Variants in XKR9 observed in about 807,000 individuals in gnomAD.
The protein encoded by XKR9 is XK-related protein 9.
In XKR9, 32 loss-of-function variants were observed where a neutral mutation model predicts 32.0. The ratio of observed to expected loss-of-function variants is 1.00; its 90% CI spans 0.76 to 1.34. XKR9 has a LOEUF of 1.34. XKR9 is among the 40% of genes most tolerant of loss of function. The pLI is 0.00. For missense variants in XKR9, 546 were observed against 429.7 expected, an observed-to-expected ratio of 1.27 and a Z score of -2.39; for synonymous variants, 168 against 143.4, an observed-to-expected ratio of 1.17 and a Z score of -1.22.
chr8:70,915,471 A>T, the XKR9 span, among the ~76,000 whole-genome samples: 1 of 152,142 alleles, frequency 6.6e-6, no homozygotes, highest in Non-Finnish European at 1.5e-5. Context: ...TGGAGATTAA[A>T]AGCAATATGG....
At chr8:70,800,743 C>A in the XKR9 span, among the ~76,000 whole-genome samples, 1 of 152,156 alleles carries the variant, frequency 6.6e-6, no homozygotes, top group Non-Finnish European at 1.5e-5. Flanking sequence ...GCCTCAGCCT[C>A]CCGAAGTGCT....
chr8:70,966,723 A>G, the XKR9 span, among the ~76,000 whole-genome samples: 1 of 152,198 alleles, frequency 6.6e-6, no homozygotes, highest in Non-Finnish European at 1.5e-5. Context: ...GTGGGGTGTT[A>G]AAGTCTCCCA....
At chr8:70,720,346 G>A (rs958884166) in intron 4 of XKR9, among the ~76,000 whole-genome samples, 46 of 152,224 alleles carry the variant, frequency 3.0e-4, no homozygotes, top group African/African-American at 1.1e-3. Flanking sequence ...TTGAATAGGA[G>A]TGGTGAGAGA....
the XKR9 span, among the ~76,000 whole-genome samples, chr8:71,026,848 G>C: frequency 6.6e-6 from 1 of 151,960 alleles, no homozygotes; most frequent in Non-Finnish European, 1.5e-5. Flanking sequence ...TACTAACAAG[G>C]GTAAAATACA....
the XKR9 span, among the ~76,000 whole-genome samples, chr8:70,919,481 G>C: frequency 7.0e-4 from 106 of 152,278 alleles, no homozygotes; most frequent in Admixed American, 2.0e-3. Context: ...AGGAAGAATA[G>C]ATAATAATGA....
the XKR9 span, among the ~76,000 whole-genome samples, chr8:70,982,322 G>A: frequency 6.6e-6 from 1 of 152,166 alleles, no homozygotes; most frequent in African/African-American, 2.4e-5. Flanking sequence ...CAGGGATAGG[G>A]GTGTGTGAGC....
At chr8:70,915,619 TCTATCTAGAA>T in the XKR9 span, among the ~76,000 whole-genome samples, 1 of 152,188 alleles carries the variant, frequency 6.6e-6, no homozygotes, top group Non-Finnish European at 1.5e-5. Context: ...TAATCTACAC[TCTATCTAGAA>T]CTGATTTTGT....
the XKR9 span, among the ~76,000 whole-genome samples, chr8:70,966,220 T>G: frequency 1.3e-5 from 2 of 152,006 alleles, no homozygotes; most frequent in Non-Finnish European, 2.9e-5. Context: ...TGCAGTTGAA[T>G]GGTTTTGAGT....
chr8:70,721,929 T>C (rs553584161), intron 4 of XKR9, among the ~76,000 whole-genome samples: 6 of 152,226 alleles, frequency 3.9e-5, no homozygotes, highest in African/African-American at 1.4e-4. Flanking sequence ...TGTGTGGGAG[T>C]CTAAGTCTCT....
chr8:70,793,015 A>G (rs1807783882), downstream of XKR9, among the ~76,000 whole-genome samples: 1 of 152,176 alleles, frequency 6.6e-6, no homozygotes, highest in Non-Finnish European at 1.5e-5. Flanking sequence ...TAAGACAATT[A>G]CAAAGGCTTA....
chr8:70,770,860 G>A (rs1376729152), intron 2 of XKR9, among the ~76,000 whole-genome samples: 1 of 152,172 alleles, frequency 6.6e-6, no homozygotes, highest in Non-Finnish European at 1.5e-5. Context: ...TGTGTGGGTG[G>A]GACCTGTTTA....
intron 2 of XKR9, among the ~76,000 whole-genome samples, chr8:70,742,967 T>C (rs1369713194): frequency 6.6e-6 from 1 of 152,138 alleles, no homozygotes; most frequent in African/African-American, 2.4e-5. Flanking sequence ...TGTCTTCTAT[T>C]ATATTTAGGA....
the XKR9 span, among the ~76,000 whole-genome samples, chr8:70,815,102 T>C: frequency 6.6e-6 from 1 of 152,204 alleles, no homozygotes; most frequent in Non-Finnish European, 1.5e-5. Flanking sequence ...CACAAACAAA[T>C]GGAAAAACAT....
chr8:70,681,118 T>C lies in XKR9; in HGVS notation c.60T>C (p.Thr20=), dbSNP rs1819064957. ...TTCTTGGCATTATAATCTACGTAAC[T>C]GATTTAATTGTGGACATATGGGTAT... ...MSVLGIIIYV[T]DLIVDIWVSV... The change falls in exon 3 of 5, where the codon ACT becomes ACC. Residue 20 remains threonine (T), a synonymous_variant. Coordinates refer to ENST00000408926, the MANE Select transcript of XKR9 (RefSeq NM_001011720.2). 6.2e-7 allele frequency: 1 copy of C among 1,613,432 alleles called. No homozygotes were observed. Among genetic ancestry groups the C allele is most frequent in the South Asian group, 1.1e-5 (1 of 91,052 alleles).
the XKR9 span, among the ~76,000 whole-genome samples, chr8:70,897,073 T>G: frequency 1.3e-5 from 2 of 152,078 alleles, no homozygotes; most frequent in Admixed American, 1.3e-4. Flanking sequence ...CATTCTACCC[T>G]CTATCTCCAT....
At chr8:70,748,659 T>C (rs1216710705) in intron 2 of XKR9, among the ~76,000 whole-genome samples, 1 of 152,060 alleles carries the variant, frequency 6.6e-6, no homozygotes, top group African/African-American at 2.4e-5. Context: ...GGCAGACAGG[T>C]TCCTGGTGGA....
chr8:70,784,672 A>G (rs543803656), intron 2 of XKR9, among the ~76,000 whole-genome samples: 51 of 151,932 alleles, frequency 3.4e-4, no homozygotes, highest in African/African-American at 1.2e-3. Flanking sequence ...TTTCTTTTCT[A>G]TTTGGATGCC....
downstream of XKR9, among the ~76,000 whole-genome samples, chr8:70,739,641 G>A (rs990846711): frequency 7.2e-5 from 11 of 151,940 alleles, no homozygotes; most frequent in Non-Finnish European, 1.5e-4. Flanking sequence ...CTTCCTTCAG[G>A]AGCTCTTTTA....
the XKR9 span, among the ~76,000 whole-genome samples, chr8:70,982,637 G>T: frequency 6.6e-6 from 1 of 152,130 alleles, no homozygotes; most frequent in East Asian, 1.9e-4. Context: ...AAAGCAAGCC[G>T]ACTCAAAGGT....
Sources: gnomAD v4.1 joint callset for allele counts (sites outside exome capture counted in the v4.1 genomes callset) on GRCh38, gnomAD v4.1.1 for gene constraint, MANE v1.5 for transcripts, NCBI Gene and HGNC (gene_info 2026-07-23, HGNC 2026-07-21) for gene names.